Variants in CDC25C observed in about 807,000 individuals in gnomAD.
The protein encoded by CDC25C is M-phase inducer phosphatase 3.
Under a neutral mutation model 52.5 loss-of-function variants are expected in CDC25C, and 48 were observed. That is an observed-to-expected ratio of 0.91 (90% confidence interval 0.72 to 1.16). CDC25C has a LOEUF of 1.16. Among genes scored for constraint, CDC25C ranks in the 50% most tolerant of loss-of-function variants. The pLI, the probability that CDC25C is intolerant of heterozygous loss-of-function variation, is 0.00. For synonymous variants in CDC25C, 187 were observed against 206.5 expected (o/e 0.91, Z 0.81); for missense variants, 510 against 566.1 (o/e 0.90, Z 1.01).
At position 138,292,099 on chromosome 5, in the gene CDC25C, T is replaced by C. The variant is rs1362849107; in HGVS notation, c.633A>G (p.Leu211=). 6.2e-7 allele frequency: 1 copy of C among 1,613,008 alleles called. No individual in the cohort carries two copies. The highest frequency in any genetic ancestry group is 2.2e-5 in the East Asian group (1 of 44,804). The stretch of plus-strand genomic sequence containing the variant: ...TCTCTGGCATCGACGGGGAGCGATA[T>C]AGGCCACTTCTGCTCACCTGTTTGG... The part of the protein sequence containing the change: ...DQEAKVSRSG[L]YRSPSMPENL... The change falls in exon 8 of 14, where the codon CTA becomes CTG. Residue 211 remains leucine, a synonymous_variant. Transcript: ENST00000323760.
chr5:138,309,295 C>T (rs1462886494), intron 7 of CDC25C, among the ~76,000 whole-genome samples: 1 of 152,028 alleles, frequency 6.6e-6, no homozygotes, highest in Non-Finnish European at 1.5e-5. Context: ...GTGGCTCACG[C>T]CTGTAATCCC....
intron 7 of CDC25C, among the ~76,000 whole-genome samples, chr5:138,293,604 C>G (rs1303362796): frequency 6.6e-6 from 1 of 151,752 alleles, no homozygotes; most frequent in Non-Finnish European, 1.5e-5. Context: ...ATGCTAAGAG[C>G]CATATTACTA....
At chr5:138,300,155 C>T (rs538388867) in intron 7 of CDC25C, among the ~76,000 whole-genome samples, 38 of 152,142 alleles carry the variant, frequency 2.5e-4, no homozygotes, top group Admixed American at 7.9e-4. Context: ...AGTGAGGCAC[C>T]GCCCCAACTC....
intron 6 of CDC25C, among the ~76,000 whole-genome samples, chr5:138,321,750 CAAAAAAAAAAA>C (rs531353746): frequency 1.1e-4 from 5 of 47,172 alleles, no homozygotes; most frequent in African/African-American, 1.3e-4. Flanking sequence ...GACTCTGTCT[CAAAAAAAAAAA>C]AAAAAAAAAA....
chr5:138,338,300 G>C (rs746064598), exon 1 of CDC25C: 8 of 638,978 alleles, frequency 1.3e-5, no homozygotes, highest in South Asian at 7.4e-5. Context: ...GGAGCTGGAG[G>C]AACCGCGGTA....
intron 7 of CDC25C, among the ~76,000 whole-genome samples, chr5:138,293,874 C>T (rs1479806745): frequency 1.3e-5 from 2 of 151,774 alleles, no homozygotes; most frequent in African/African-American, 2.4e-5. Context: ...CTCGAACTCC[C>T]GGGCTTAAGT....
chr5:138,291,793 T>C (rs911252691), intron 8 of CDC25C, among the ~76,000 whole-genome samples, 177 bp downstream of exon 8: 2 of 150,256 alleles, frequency 1.3e-5, no homozygotes, highest in African/African-American at 4.9e-5. Flanking sequence ...TATATATATA[T>C]ATATATTTCA....
intron 7 of CDC25C, 67 bp from the exon 8 acceptor site, chr5:138,292,183 A>C: frequency 1.5e-6 from 2 of 1,301,366 alleles, no homozygotes; most frequent in Non-Finnish European, 2.1e-6. Flanking sequence ...TGCAGCAACA[A>C]CATCTCCTGG....
At chr5:138,317,515 A>G (rs1758972796) in intron 7 of CDC25C, among the ~76,000 whole-genome samples, 1 of 151,884 alleles carries the variant, frequency 6.6e-6, no homozygotes, top group Non-Finnish European at 1.5e-5. Context: ...CCACATCGCT[A>G]CAAAAAATAC....
At chr5:138,298,726 G>T (rs967219652) in intron 7 of CDC25C, among the ~76,000 whole-genome samples, 2 of 151,650 alleles carry the variant, frequency 1.3e-5, no homozygotes, top group African/African-American at 4.8e-5. Flanking sequence ...CTCCAGCCTG[G>T]TGACAGAGTG....
At chr5:138,319,160 T>C in intron 7 of CDC25C, 59 bp downstream of exon 7, 1 of 1,444,204 alleles carries the variant, frequency 6.9e-7, no homozygotes, top group Admixed American at 2.0e-5. Flanking sequence ...GTCTAGTTCT[T>C]CTTTTAACAG....
intron 7 of CDC25C, among the ~76,000 whole-genome samples, chr5:138,312,731 G>A (rs1561699575): frequency 6.6e-6 from 1 of 152,166 alleles, no homozygotes; most frequent in Non-Finnish European, 1.5e-5. Context: ...CAGAGTGCCA[G>A]TTTTCCAAGA....
intron 8 of CDC25C, 29 bp from the exon 9 acceptor site, chr5:138,290,769 C>T (rs911100865): frequency 8.3e-6 from 11 of 1,331,716 alleles, no homozygotes; most frequent in South Asian, 1.2e-5. Flanking sequence ...CCACCCCACA[C>T]CCAATCCTCA....
intron 7 of CDC25C, among the ~76,000 whole-genome samples, chr5:138,318,621 A>C (rs1440469242): frequency 6.6e-6 from 1 of 152,102 alleles, no homozygotes; most frequent in Non-Finnish European, 1.5e-5. Context: ...AGGCTGAGGC[A>C]GGAGAATCGC....
exon 1 of CDC25C, chr5:138,338,243 A>T: frequency 1.7e-6 from 2 of 1,175,664 alleles, no homozygotes; most frequent in Non-Finnish European, 2.3e-6. Context: ...TTTTAAGGGC[A>T]CCGTGGGGCG....
At chr5:138,337,786 G>T in intron 1 of CDC25C, 1 of 396,612 alleles carries the variant, frequency 2.5e-6, no homozygotes, top group Non-Finnish European at 4.6e-6. Context: ...GCCGCGGACG[G>T]GTCCTTTGCT....
exon 1 of CDC25C, chr5:138,338,070 C>G (rs769490027): frequency 3.1e-6 from 4 of 1,289,806 alleles, no homozygotes; most frequent in African/African-American, 1.5e-5. Flanking sequence ...CACCCCCATC[C>G]CTAAATCAAA....
chr5:138,286,170 A>T (rs1242570651), intron 12 of CDC25C, 37 bp from the exon 13 acceptor site: 3 of 1,516,502 alleles, frequency 2.0e-6, no homozygotes, highest in Non-Finnish European at 2.7e-6. Flanking sequence ...GGGTGGAAAG[A>T]AACAAGGTCA....
At chr5:138,337,769 C>A in intron 1 of CDC25C, 2 of 374,532 alleles carry the variant, frequency 5.3e-6, no homozygotes, top group Non-Finnish European at 5.0e-6. Flanking sequence ...TTCCCAGCAG[C>A]CTTCACGCCG....
Sources: gnomAD v4.1 joint callset for allele counts (sites outside exome capture counted in the v4.1 genomes callset) on GRCh38, gnomAD v4.1.1 for gene constraint, MANE v1.5 for transcripts, NCBI Gene and HGNC (gene_info 2026-07-23, HGNC 2026-07-21) for gene names.